Variants in MNS1 observed in about 807,000 individuals in gnomAD.
The protein encoded by MNS1 is meiosis specific nuclear structural 1, also known as meiosis-specific nuclear structural protein 1.
In MNS1, 63 loss-of-function variants were observed where a neutral mutation model predicts 72.0. That is an observed-to-expected ratio of 0.87 (90% CI 0.71 to 1.08). MNS1 has a LOEUF of 1.08. Among genes scored for constraint, MNS1 ranks in the 50% least tolerant of loss-of-function variants. The pLI, the probability that MNS1 is intolerant of heterozygous loss-of-function variation, is 0.00. For missense variants in MNS1, 604 were observed against 562.4 expected (o/e 1.07, Z -0.75); for synonymous variants, 188 against 172.1 (o/e 1.09, Z -0.72).
intron 3 of MNS1, among the ~76,000 whole-genome samples, chr15:56,453,160 C>T (rs192930993): frequency 3.3e-5 from 5 of 152,192 alleles, no homozygotes; most frequent in African/African-American, 7.2e-5. Context: ...TCATTTACTT[C>T]CTATCTCATT....
chr15:56,445,004 T>C (rs1197328024), intron 4 of MNS1, among the ~76,000 whole-genome samples: 1 of 152,078 alleles, frequency 6.6e-6, no homozygotes, highest in Non-Finnish European at 1.5e-5. Context: ...CATTATCTTA[T>C]TATTCTATTT....
chr15:56,444,617 C>T lies in MNS1; in HGVS notation c.513G>A (p.Lys171=). ...TMMEEHKRII[K]EENAAEDKRN... ...GTTTGTCTTCTGCAGCATTCTCTTC[C>T]TTTATTATTCTCTTGTGTTCTTCCA... The change falls in exon 5 of 10, where the codon AAG becomes AAA. Residue 171 remains lysine (K), a synonymous_variant. Coordinates refer to ENST00000260453, the MANE Select transcript of MNS1 (RefSeq NM_018365.4). 1.2e-6 allele frequency: 2 copies of T among 1,613,056 alleles called. No homozygotes were observed. Among genetic ancestry groups the T allele is most frequent in the Non-Finnish European group, 1.7e-6 (2 of 1,179,514 alleles).
chr15:56,431,351 A>G (rs745418003), intron 9 of MNS1, 22 bp downstream of exon 9: 3 of 1,607,784 alleles, frequency 1.9e-6, no homozygotes, highest in South Asian at 1.1e-5. Flanking sequence ...GAAGATTACA[A>G]CTTGAGATAA....
At position 56,460,003 on chromosome 15, in the gene MNS1, A is replaced by ATATATATATATATATATAT. The variant is rs1243035397; in HGVS notation, c.226-3483_226-3482insATATATATATATATATATA. Among the ~76,000 whole-genome samples, 24 of 32,844 alleles carry ATATATATATATATATATAT rather than the reference A, an allele frequency of 7.3e-4. 2 individuals are homozygous for ATATATATATATATATATAT. The highest frequency in any genetic ancestry group is 2.7e-3 in the African/African-American group (24 of 8,842). The allele number at this position is 32,844 out of a possible 152,430, so 21.5% of individuals were successfully genotyped here. On this transcript the variant is annotated intron_variant, in intron 2 of 9. Coordinates refer to ENST00000260453, the MANE Select transcript of MNS1 (RefSeq NM_018365.4). ...GAAATTCTGTCTCAAAAAAAAAAAA[A>ATATATATATATATATATAT]AAAAAAATACATATATATATATATA...
Position 56,444,673 on chromosome 15 carries a change from T to G in MNS1, c.457A>C (p.Lys153Gln). The G allele has an allele frequency of 6.2e-7, 1 of 1,609,000 alleles. No homozygotes were observed. Among genetic ancestry groups the G allele is most frequent in the Non-Finnish European group, 8.5e-7 (1 of 1,177,868 alleles). ...EKDAIKYEQM[K>Q]RDAEIAKTMM... Reference sequence around the variant, plus strand: ...GTTTTGGCTATTTCAGCATCACGTTTCTGTTATTAAAACAAAATTGATCTT... The same window carrying G: ...GTTTTGGCTATTTCAGCATCACGTTGCTGTTATTAAAACAAAATTGATCTT... Residue 153 changes from lysine to glutamine, a missense_variant and splice_region_variant, in exon 5 of 10, where the codon AAA becomes CAA. Lys to Gln is a moderately conservative substitution (Grantham distance 53). Coordinates refer to ENST00000260453, the MANE Select transcript of MNS1 (RefSeq NM_018365.4).
At position 56,454,363 on chromosome 15, in the gene MNS1, A is replaced by G. The variant is rs1196937444; in HGVS notation, c.353+2031T>C. Among the ~76,000 whole-genome samples the G allele has an allele frequency of 7.2e-5, 4 of 55,668 alleles. No homozygotes were observed. In the South Asian group the frequency reaches 1.7e-3, roughly 23 times the overall value. The allele number at this position is 55,668 out of a possible 152,430, so 36.5% of individuals were successfully genotyped here. A position where few individuals can be genotyped will look rare whatever the true frequency, so the allele number is the denominator to read the frequency against. ...TATCATTTGTGTTACAAACAATCCA[A>G]TTATACTCTTTATTTTTAAATGTCC... is the stretch of plus-strand genomic sequence containing the variant. On this transcript the variant is annotated intron_variant, in intron 3 of 9. Transcript: ENST00000260453.
At chr15:56,463,744 T>C (rs1161875905) in intron 2 of MNS1, 22 of 314,070 alleles carry the variant, frequency 7.0e-5, no homozygotes, top group Non-Finnish European at 1.7e-5. Context: ...ATCGTGCCAC[T>C]GCACTGCAAC....
intron 3 of MNS1, among the ~76,000 whole-genome samples, chr15:56,454,470 C>T (rs1048654633): frequency 6.6e-6 from 1 of 151,714 alleles, no homozygotes; most frequent in Non-Finnish European, 1.5e-5. Context: ...TTTTTTGTAC[C>T]CAGGTAAATC....
In MNS1 at chr15:56,446,734, A is replaced by C. The variant is rs1288162942; in HGVS notation, c.456+107T>G. 55 of 747,350 alleles carry C rather than the reference A, an allele frequency of 7.4e-5. No homozygotes were observed. In the Admixed American group the frequency reaches 1.5e-3, roughly 21 times the overall value. 46.3% of individuals were successfully genotyped at this position (747,350 alleles called of 1,614,324 possible). The stretch of plus-strand genomic sequence containing the variant: ...CTGAAAATTTACAAATATTTAAGAA[A>C]TCTAGCAGTGTAAATTCTTTATACA... On this transcript the variant is annotated intron_variant, in intron 4 of 9. Coordinates refer to ENST00000260453, the MANE Select transcript of MNS1 (RefSeq NM_018365.4).
chr15:56,440,853 G>A (rs1404417250), intron 7 of MNS1, among the ~76,000 whole-genome samples: 1 of 152,018 alleles, frequency 6.6e-6, no homozygotes, highest in Non-Finnish European at 1.5e-5. Flanking sequence ...TTATTACATG[G>A]ATATACTATA....
chr15:56,439,384 A>C (rs2050781431), intron 7 of MNS1, among the ~76,000 whole-genome samples: 1 of 152,080 alleles, frequency 6.6e-6, no homozygotes, highest in Non-Finnish European at 1.5e-5. Flanking sequence ...CCCAGCAAAA[A>C]ATATTTATAG....
intron 1 of MNS1, 121 bp downstream of exon 1, chr15:56,464,849 A>T: frequency 1.4e-6 from 2 of 1,417,120 alleles, no homozygotes; most frequent in East Asian, 4.7e-5. Flanking sequence ...GAAAGCAAAT[A>T]CAAGTTCCCC....
intron 3 of MNS1, among the ~76,000 whole-genome samples, chr15:56,448,266 A>G (rs1461657305): frequency 6.6e-6 from 1 of 152,144 alleles, no homozygotes; most frequent in Admixed American, 6.5e-5. Context: ...CAACTTTTAG[A>G]TACTGGGGGT....
chr15:56,456,652 A>G, intron 2 of MNS1, 131 bp from the exon 3 acceptor site: 1 of 930,686 alleles, frequency 1.1e-6, no homozygotes, highest in Non-Finnish European at 1.6e-6. Flanking sequence ...TTTAAAATAC[A>G]AAATGTTGTT....
chr15:56,456,244 T>G, intron 3 of MNS1, 150 bp downstream of exon 3: 1 of 651,776 alleles, frequency 1.5e-6, no homozygotes, highest in South Asian at 3.9e-5. Flanking sequence ...AAATAAATAT[T>G]TATAGAACTT....
rs367624285 is a variant in MNS1, at chr15:56,460,013, C to CATATATATATATATATAT, written c.226-3510_226-3493dup. ...CTCAAAAAAAAAAAAAAAAAAAATA[C>CATATATATATATATATAT]ATATATATATATATATATATATGTG... On this transcript the variant is annotated intron_variant, in intron 2 of 9. Coordinates refer to ENST00000260453, the MANE Select transcript of MNS1 (RefSeq NM_018365.4). Among the ~76,000 whole-genome samples, 28 of 34,624 alleles carry CATATATATATATATATAT rather than the reference C, an allele frequency of 8.1e-4. 1 individual carries two copies. The highest frequency in any genetic ancestry group is 3.2e-3 in the African/African-American group (28 of 8,824). The allele number at this position is 34,624 out of a possible 152,430, so 22.7% of individuals were successfully genotyped here.
intron 4 of MNS1, among the ~76,000 whole-genome samples, chr15:56,445,058 T>C (rs2050884289): frequency 6.6e-6 from 1 of 152,090 alleles, no homozygotes; most frequent in Non-Finnish European, 1.5e-5. Flanking sequence ...GCTTCATTGT[T>C]TATCAGCTGC....
chr15:56,433,788 T>C (rs1165161881), intron 8 of MNS1, among the ~76,000 whole-genome samples: 1 of 152,178 alleles, frequency 6.6e-6, no homozygotes, highest in Non-Finnish European at 1.5e-5. Flanking sequence ...TCTGTTTCTC[T>C]CTCTGCCATA....
intron 2 of MNS1, among the ~76,000 whole-genome samples, chr15:56,458,698 T>C (rs1227805305): frequency 6.6e-6 from 1 of 152,204 alleles, no homozygotes; most frequent in African/African-American, 2.4e-5. Flanking sequence ...TAGTCGGAAT[T>C]ATACAGAATG....
Sources: gnomAD v4.1 joint callset for allele counts (sites outside exome capture counted in the v4.1 genomes callset) on GRCh38, gnomAD v4.1.1 for gene constraint, MANE v1.5 for transcripts, NCBI Gene and HGNC (gene_info 2026-07-23, HGNC 2026-07-21) for gene names.